Variants in SLC25A48 observed in about 807,000 individuals in gnomAD.
SLC25A48 encodes solute carrier family 25 member 48.
In SLC25A48, 29 loss-of-function variants were observed where a neutral mutation model predicts 32.2. That is an observed-to-expected ratio of 0.90 (90% confidence interval 0.67 to 1.23). SLC25A48 has a LOEUF of 1.23. SLC25A48 is among the 50% of genes most tolerant of loss of function. The pLI, the probability that SLC25A48 is intolerant of heterozygous loss-of-function variation, is 0.00. For synonymous variants in SLC25A48, 164 were observed against 172.3 expected (o/e 0.95, Z 0.38); for missense variants, 399 against 422.7 (o/e 0.94, Z 0.49).
chr5:135,852,168 G>T (rs1430660255), intron 3 of SLC25A48, among the ~76,000 whole-genome samples: 4 of 152,176 alleles, frequency 2.6e-5, no homozygotes, highest in African/African-American at 9.7e-5. Context: ...AGTGCCTGGA[G>T]AATGTTTCTG....
upstream of SLC25A48, among the ~76,000 whole-genome samples, chr5:135,833,346 C>G (rs1030073499): frequency 3.3e-5 from 5 of 152,232 alleles, no homozygotes; most frequent in African/African-American, 9.6e-5. Context: ...GAGGGGATGA[C>G]AAACTGCCTG....
chr5:135,603,390 G>C (rs1397837474), intron 1 of SLC25A48, among the ~76,000 whole-genome samples: 2 of 152,238 alleles, frequency 1.3e-5, no homozygotes, highest in African/African-American at 4.8e-5. Context: ...CAGATGATTA[G>C]CCTAATTAAG....
chr5:135,646,676 T>TAC (rs1436477375), intron 3 of SLC25A48, among the ~76,000 whole-genome samples: 23 of 131,994 alleles, frequency 1.7e-4, no homozygotes, highest in African/African-American at 6.7e-4. Context: ...TATATATATA[T>TAC]ATACAATGGG....
intron 3 of SLC25A48, among the ~76,000 whole-genome samples, chr5:135,650,778 G>A (rs190064202): frequency 6.6e-6 from 1 of 152,254 alleles, no homozygotes; most frequent in East Asian, 1.9e-4. Context: ...TCATCTTTGT[G>A]CGTGTGTATG....
upstream of SLC25A48, among the ~76,000 whole-genome samples, chr5:135,831,122 TG>T (rs1014020402): frequency 4.6e-5 from 7 of 152,112 alleles, no homozygotes; most frequent in Non-Finnish European, 1.0e-4. Context: ...AAAAGCTCTG[TG>T]GGGGAAATGT....
At chr5:135,731,593 TA>T (rs1281734794) in intron 3 of SLC25A48, among the ~76,000 whole-genome samples, 1 of 152,126 alleles carries the variant, frequency 6.6e-6, no homozygotes, top group Non-Finnish European at 1.5e-5. Context: ...GTGGGGTTGT[TA>T]AAAGGAGCAT....
At chr5:135,879,876 A>T in intron 6 of SLC25A48, 92 bp from the exon 7 acceptor site, 1 of 1,478,600 alleles carries the variant, frequency 6.8e-7, no homozygotes, top group South Asian at 1.3e-5. Flanking sequence ...GGGCCTGGGT[A>T]GGCAGCACCA....
intron 3 of SLC25A48, among the ~76,000 whole-genome samples, chr5:135,777,634 C>G (rs1045767682): frequency 6.6e-6 from 1 of 151,394 alleles, no homozygotes; most frequent in Non-Finnish European, 1.5e-5. Context: ...TTCCTAATAT[C>G]GAGGAGGAGA....
chr5:135,874,881 G>C, intron 6 of SLC25A48: 1 of 488,600 alleles, frequency 2.0e-6, no homozygotes, highest in Non-Finnish European at 3.6e-6. Flanking sequence ...TGCTTTCTTG[G>C]TGTGGCTCTT....
chr5:135,757,786 TAC>T (rs1471230684), intron 3 of SLC25A48, among the ~76,000 whole-genome samples: 4 of 150,362 alleles, frequency 2.7e-5, no homozygotes, highest in East Asian at 4.1e-4. Context: ...AATGTGTTAT[TAC>T]ACAGTGTTAA....
chr5:135,669,567 C>G (rs1419618067), intron 3 of SLC25A48, among the ~76,000 whole-genome samples: 3 of 152,178 alleles, frequency 2.0e-5, no homozygotes, highest in South Asian at 2.1e-4. Flanking sequence ...GTTATCCTAA[C>G]TGAGTGGTGA....
chr5:135,863,998 G>A (rs1157795006), intron 4 of SLC25A48, among the ~76,000 whole-genome samples: 1 of 152,168 alleles, frequency 6.6e-6, no homozygotes, highest in African/African-American at 2.4e-5. Context: ...AGAAGCCCTG[G>A]CTCCATCATA....
At chr5:135,684,322 A>G (rs1006754269) in intron 3 of SLC25A48, among the ~76,000 whole-genome samples, 1 of 151,884 alleles carries the variant, frequency 6.6e-6, no homozygotes, top group African/African-American at 2.4e-5. Flanking sequence ...TCCTCCACAA[A>G]TGGTAGAGAT....
intron 3 of SLC25A48, among the ~76,000 whole-genome samples, chr5:135,772,735 C>G (rs530111996): frequency 5.9e-5 from 9 of 151,310 alleles, no homozygotes; most frequent in African/African-American, 1.7e-4. Flanking sequence ...CTCTCAATAT[C>G]GCAGATGGTG....
intron 3 of SLC25A48, among the ~76,000 whole-genome samples, chr5:135,737,182 A>G (rs950509905): frequency 5.3e-5 from 8 of 152,100 alleles, no homozygotes; most frequent in African/African-American, 1.9e-4. Context: ...CTGATCCGAA[A>G]AGAGAGTCAG....
intron 3 of SLC25A48, among the ~76,000 whole-genome samples, chr5:135,643,903 G>A (rs573273443): frequency 6.6e-6 from 1 of 152,318 alleles, no homozygotes; most frequent in Admixed American, 6.5e-5. Context: ...AGGAGATTAA[G>A]GCTTAGAGAG....
At chr5:135,876,671 A>G (rs1449972948) in intron 6 of SLC25A48, among the ~76,000 whole-genome samples, 1 of 152,230 alleles carries the variant, frequency 6.6e-6, no homozygotes, top group Non-Finnish European at 1.5e-5. Context: ...TTTCAAAAAC[A>G]TTTACAGTGT....
intron 3 of SLC25A48, among the ~76,000 whole-genome samples, chr5:135,765,439 T>G (rs1756187779): frequency 6.6e-6 from 1 of 151,600 alleles, no homozygotes; most frequent in African/African-American, 2.4e-5. Context: ...GGGGTGATAT[T>G]ACTCACCATA....
chr5:135,855,216 T>C (rs1760213462), intron 4 of SLC25A48, among the ~76,000 whole-genome samples: 1 of 152,226 alleles, frequency 6.6e-6, no homozygotes, highest in African/African-American at 2.4e-5. Flanking sequence ...GAGCACATAC[T>C]GTTAGACAAA....
Sources: gnomAD v4.1 joint callset for allele counts (sites outside exome capture counted in the v4.1 genomes callset) on GRCh38, gnomAD v4.1.1 for gene constraint, MANE v1.5 for transcripts, NCBI Gene and HGNC (gene_info 2026-07-23, HGNC 2026-07-21) for gene names.